The following FRY variants were observed in gnomAD, a reference collection of about 807,000 sequenced individuals.
The protein encoded by FRY is protein furry homolog.
In FRY, 128 loss-of-function variants were observed where a neutral mutation model predicts 348.4. The observed-to-expected ratio is 0.37, with a 90% CI of 0.32 to 0.43. The LOEUF (loss-of-function observed/expected upper bound fraction) is 0.43, where lower values mean the gene tolerates loss of function less well. Ranked by LOEUF, FRY falls within the 20% of genes least tolerant of loss-of-function variation. The pLI, the probability that FRY is intolerant of heterozygous loss-of-function variation, is 1.00. For missense variants in FRY, 2,736 were observed against 3,695.2 expected, an observed-to-expected ratio of 0.74 and a Z score of 6.73; for synonymous variants, 1,370 against 1,374.7, an observed-to-expected ratio of 1.00 and a Z score of 0.08.
intron 15 of FRY, among the ~76,000 whole-genome samples, chr13:32,155,867 G>T (rs914621823): frequency 6.6e-6 from 1 of 152,012 alleles, no homozygotes; most frequent in Non-Finnish European, 1.5e-5. Context: ...TAAATATTTT[G>T]GCATTTAAAT....
At position 32,296,365 on chromosome 13, in the gene FRY, A is replaced by C. The variant is rs962970995; in HGVS notation, c.*905A>C. 8 of 152,662 alleles carry C rather than the reference A, an allele frequency of 5.2e-5. No homozygotes were observed. Among genetic ancestry groups the C allele is most frequent in the Admixed American group, 5.2e-4 (8 of 15,288 alleles). The allele number at this position is 152,662 out of a possible 1,614,324, so 9.5% of individuals were successfully genotyped here. A position where few individuals can be genotyped will look rare whatever the true frequency, so the allele number is the denominator to read the frequency against. The stretch of plus-strand genomic sequence containing the variant: ...TGGATAGTCAGAAGTAGAATCATAA[A>C]GGTAAAATATGAGTTGTTACTTTGT... On this transcript the variant is annotated 3_prime_UTR_variant, in exon 61 of 61. Coordinates refer to ENST00000542859, the MANE Select transcript of FRY (RefSeq NM_023037.3).
intron 1 of FRY, among the ~76,000 whole-genome samples, chr13:32,066,351 A>G (rs1462940085): frequency 1.3e-5 from 2 of 152,192 alleles, no homozygotes; most frequent in Non-Finnish European, 2.9e-5. Flanking sequence ...GTCACAGGGC[A>G]ATATATGGTT....
chr13:32,194,901 C>T (rs1883581674), intron 29 of FRY, among the ~76,000 whole-genome samples: 1 of 66,948 alleles, frequency 1.5e-5, no homozygotes. Flanking sequence ...ATAAGCTATT[C>T]CCAAGAAAGC....
Position 32,125,784 on chromosome 13 carries a change from A to G in FRY, c.716+909A>G, listed in dbSNP as rs1035001094. ...TTAACTCCTTGGCATAATTTATTTAATCTAATCCAGTTTATCTACTCATCC... is the reference window on the plus strand; with the variant it reads ...TTAACTCCTTGGCATAATTTATTTAGTCTAATCCAGTTTATCTACTCATCC... On this transcript the variant is annotated intron_variant, in intron 7 of 60. Transcript: ENST00000542859. 1.9e-4 allele frequency among the ~76,000 whole-genome samples: 29 copies of G among 152,224 alleles called. 1 individual carries two copies. Among genetic ancestry groups the G allele is most frequent in the African/African-American group, 6.5e-4 (27 of 41,460 alleles).
At chr13:32,148,804 T>C (rs1880618055) in intron 13 of FRY, among the ~76,000 whole-genome samples, 2 of 152,218 alleles carry the variant, frequency 1.3e-5, no homozygotes, top group Non-Finnish European at 2.9e-5. Flanking sequence ...TAAGGTTCAG[T>C]TGCTACTTCA....
At chr13:32,225,068 A>G (rs1421337863) in intron 38 of FRY, 32 bp downstream of exon 38, 2 of 1,213,972 alleles carry the variant, frequency 1.6e-6, no homozygotes, top group Non-Finnish European at 1.2e-6. Context: ...ATTCTAGCCA[A>G]TCGGGTTAAA....
At position 32,183,038 on chromosome 13, in the gene FRY, A is replaced by G; in HGVS notation, c.3054+4A>G. ...AGCTCTGGAAAGAAGACCAGAGGTA[A>G]GAATTTGAATTTAAAAAATTAAGGC... On this transcript the variant is annotated splice_donor_region_variant and intron_variant, in intron 24 of 60. Coordinates refer to ENST00000542859, the MANE Select transcript of FRY (RefSeq NM_023037.3). The G allele has an allele frequency of 6.4e-7, 1 of 1,573,890 alleles. No individual in the cohort carries two copies. Among genetic ancestry groups the G allele is most frequent in the Non-Finnish European group, 8.7e-7 (1 of 1,145,082 alleles).
Position 32,173,517 on chromosome 13 carries a change from C to T in FRY, c.2302C>T (p.Arg768Ter). Reference sequence around the variant, plus strand: ...GTCCGTTTTAATACTCAAGGAAATTCGAGCGTTGTTTATTGCCCTGGGGCA... The same window carrying T: ...GTCCGTTTTAATACTCAAGGAAATTTGAGCGTTGTTTATTGCCCTGGGGCA... ...KLSVLILKEI[R>*]ALFIALGQPE... Residue 768 changes from arginine to a stop codon, truncating the protein, a stop_gained, in exon 19 of 61, where the codon CGA becomes TGA. Coordinates refer to ENST00000542859, the MANE Select transcript of FRY (RefSeq NM_023037.3). LOFTEE classifies it high-confidence loss of function. The T allele has an allele frequency of 3.1e-6, 5 of 1,613,520 alleles. No homozygotes were observed. The highest frequency in any genetic ancestry group is 1.1e-5 in the South Asian group (1 of 91,056).
intron 31 of FRY, among the ~76,000 whole-genome samples, chr13:32,204,767 T>C (rs773387936): frequency 1.3e-5 from 2 of 152,244 alleles, no homozygotes; most frequent in Non-Finnish European, 1.5e-5. Context: ...AATTCTCTTC[T>C]TGCAAAACTA....
intron 1 of FRY, among the ~76,000 whole-genome samples, chr13:32,056,049 G>GTGT (rs1378287049): frequency 2.6e-5 from 4 of 151,984 alleles, no homozygotes; most frequent in Non-Finnish European, 4.4e-5. Context: ...AAATTAGCTG[G>GTGT]GTGTGGTGGC....
chr13:32,182,142 A>G (rs937217420), intron 23 of FRY, among the ~76,000 whole-genome samples: 3 of 152,226 alleles, frequency 2.0e-5, no homozygotes, highest in South Asian at 4.1e-4. Flanking sequence ...ACTTGGGCAT[A>G]CTACAGACAA....
intron 58 of FRY, 98 bp downstream of exon 58, chr13:32,278,646 C>G (rs371471001): frequency 3.9e-6 from 3 of 778,044 alleles, no homozygotes; most frequent in African/African-American, 1.7e-5. Flanking sequence ...AAAGAAGAGG[C>G]GGAATGAGTC....
chr13:32,219,296 A>G (rs1885181527), intron 36 of FRY, among the ~76,000 whole-genome samples: 1 of 148,854 alleles, frequency 6.7e-6, no homozygotes, highest in African/African-American at 2.4e-5. Context: ...TCACCGTGTT[A>G]ACCAGGATGG....
chr13:32,260,842 A>C (rs1887597710), intron 51 of FRY, among the ~76,000 whole-genome samples: 1 of 143,164 alleles, frequency 7.0e-6, no homozygotes, highest in Admixed American at 7.0e-5. Flanking sequence ...ACAAAAAAAC[A>C]GTAATAGGCT....
chr13:32,295,032 A>G (rs555376490), intron 60 of FRY, among the ~76,000 whole-genome samples, 170 bp from the exon 61 acceptor site: 1 of 152,312 alleles, frequency 6.6e-6, no homozygotes, highest in South Asian at 2.1e-4. Flanking sequence ...CTCTGAAGAT[A>G]CTAAAACCCA....
At position 32,083,462 on chromosome 13, in the gene FRY, T is replaced by C. The variant is rs147667269; in HGVS notation, c.270+4429T>C. 5.3e-3 allele frequency among the ~76,000 whole-genome samples: 812 copies of C among 152,320 alleles called. 5 individuals carry two copies. Among genetic ancestry groups the C allele is most frequent in the African/African-American group, 0.019 (775 of 41,562 alleles). Reference sequence around the variant, plus strand: ...TGTTGTGCCTGCTAATTCTTGCCCATGATGGATTTCTTTTTATGTACTTTG... The same window carrying C: ...TGTTGTGCCTGCTAATTCTTGCCCACGATGGATTTCTTTTTATGTACTTTG... On this transcript the variant is annotated intron_variant, in intron 2 of 60. Transcript: ENST00000542859.
intron 35 of FRY, among the ~76,000 whole-genome samples, chr13:32,213,213 C>T (rs535651336): frequency 6.6e-6 from 1 of 152,268 alleles, no homozygotes; most frequent in Non-Finnish European, 1.5e-5. Context: ...CCCCAGTAAG[C>T]CCACAGTGCT....
chr13:32,083,045 CT>C (rs1226615068), intron 2 of FRY, among the ~76,000 whole-genome samples: 1 of 151,766 alleles, frequency 6.6e-6, no homozygotes, highest in Non-Finnish European at 1.5e-5. Context: ...TCCATTTTCC[CT>C]CTTCTCTTTT....
At chr13:32,238,521 C>T (rs998109196) in intron 44 of FRY, among the ~76,000 whole-genome samples, 19 of 152,050 alleles carry the variant, frequency 1.2e-4, no homozygotes, top group African/African-American at 4.3e-4. Context: ...GGCGTGATCT[C>T]GGCTCACTGC....
Sources: gnomAD v4.1 joint callset for allele counts (sites outside exome capture counted in the v4.1 genomes callset) on GRCh38, gnomAD v4.1.1 for gene constraint, MANE v1.5 for transcripts, NCBI Gene and HGNC (gene_info 2026-07-23, HGNC 2026-07-21) for gene names.